Variants in KCNC4 observed in about 807,000 individuals in gnomAD.
KCNC4 encodes potassium voltage-gated channel subfamily C member 4.
A neutral mutation model predicts 42.8 loss-of-function variants in KCNC4; 23 were observed. The observed-to-expected ratio is 0.54, with a 90% CI of 0.39 to 0.76. The LOEUF is 0.76. KCNC4 is among the 30% of genes least tolerant of loss of function. The pLI is 0.00. For synonymous variants in KCNC4, 422 were observed against 393.5 expected, an observed-to-expected ratio of 1.07 and a Z score of -0.86; for missense variants, 751 against 898.2, an observed-to-expected ratio of 0.84 and a Z score of 2.10.
At position 110,233,479 on chromosome 1, in the gene KCNC4, T is replaced by TCA. The variant is rs1486302511; in HGVS notation, c.*509_*510dup. The TCA allele has an allele frequency of 2.4e-5, 4 of 164,864 alleles. No homozygotes were observed. The highest frequency in any genetic ancestry group is 9.6e-5 in the African/African-American group (4 of 41,548). 10.2% of individuals were successfully genotyped at this position (164,864 alleles called of 1,614,324 possible). ...TTGAAGGCCAGACTGCCCCCTAGGG[T>TCA]CACTGCTTCACTAGCCGCACCCCAC... On this transcript the variant is annotated 3_prime_UTR_variant, in exon 4 of 4. Coordinates refer to ENST00000438661, the MANE Select transcript of KCNC4 (RefSeq NM_001039574.3).
chr1:110,271,132 C>G (rs1659626947), intron 1 of KCNC4, among the ~76,000 whole-genome samples: 1 of 152,296 alleles, frequency 6.6e-6, no homozygotes, highest in South Asian at 2.1e-4. Context: ...CTAGATGCCA[C>G]TCAGACCCTG....
intron 3 of KCNC4, chr1:110,229,141 C>A (rs935590899): frequency 6.6e-6 from 1 of 152,182 alleles, no homozygotes; most frequent in Admixed American, 6.5e-5. Context: ...AACCAGTAGC[C>A]GAACAGCCTG....
intron 1 of KCNC4, among the ~76,000 whole-genome samples, chr1:110,267,681 T>G (rs912713944): frequency 7.2e-5 from 11 of 152,222 alleles, no homozygotes; most frequent in African/African-American, 2.7e-4. Flanking sequence ...CCACTTCCTA[T>G]GTATCTCACC....
chr1:110,215,148 C>A (rs922949476), intron 1 of KCNC4, among the ~76,000 whole-genome samples: 1 of 152,246 alleles, frequency 6.6e-6, no homozygotes, highest in Admixed American at 6.5e-5. Flanking sequence ...AGGAGCAAAA[C>A]GATACAAATG....
chr1:110,252,558 C>T (rs193295249), downstream of KCNC4, among the ~76,000 whole-genome samples: 215 of 152,258 alleles, frequency 1.4e-3, 1 homozygote, highest in African/African-American at 4.8e-3. Context: ...CCTTGATCAC[C>T]GGAGAGAGGT....
At chr1:110,271,984 C>A (rs986327304) in intron 1 of KCNC4, among the ~76,000 whole-genome samples, 1 of 152,172 alleles carries the variant, frequency 6.6e-6, no homozygotes, top group African/African-American at 2.4e-5. Context: ...ATGGACAGAT[C>A]CCCCCTTCCC....
downstream of KCNC4, among the ~76,000 whole-genome samples, chr1:110,250,305 T>A (rs912234819): frequency 6.6e-6 from 1 of 152,162 alleles, no homozygotes; most frequent in African/African-American, 2.4e-5. Context: ...GGCTGCCATC[T>A]GGTAGGCCAC....
chr1:110,271,079 A>G (rs147637026), intron 1 of KCNC4, among the ~76,000 whole-genome samples: 1 of 152,362 alleles, frequency 6.6e-6, no homozygotes, highest in East Asian at 1.9e-4. Flanking sequence ...ATGACTCTCC[A>G]GAGTCAAAGG....
At chr1:110,253,174 T>C (rs994776106), downstream of KCNC4, among the ~76,000 whole-genome samples, 2 of 152,262 alleles carry the variant, frequency 1.3e-5, no homozygotes, top group Admixed American at 6.5e-5. Context: ...GGGGCCATGC[T>C]GACCCCATGC....
exon 4 of KCNC4, chr1:110,244,664 G>T (rs796513810): frequency 7.9e-5 from 12 of 152,410 alleles, no homozygotes; most frequent in African/African-American, 2.9e-4. Flanking sequence ...GGCTATGAAG[G>T]TAACTGGAGC....
Position 110,232,792 on chromosome 1 carries a change from G to T in KCNC4, c.1820-119G>T, listed in dbSNP as rs952668828. 2.6e-6 allele frequency: 4 copies of T among 1,542,896 alleles called. No individual in the cohort carries two copies. In the South Asian group the frequency reaches 4.8e-5, roughly 18 times the overall value. ...GGTCAGCAGCTGGCTTCCTTCTAAC[G>T]TCTCATTCTTTGTTTCTCCCTTTCT... On this transcript the variant is annotated intron_variant, in intron 3 of 3. Transcript: ENST00000438661.
intron 1 of KCNC4, among the ~76,000 whole-genome samples, chr1:110,262,430 T>C (rs959592062): frequency 6.6e-6 from 1 of 152,214 alleles, no homozygotes; most frequent in African/African-American, 2.4e-5. Context: ...TCTTCTTCTT[T>C]CTGTGCCTTT....
At position 110,211,752 on chromosome 1, in the gene KCNC4, G is replaced by GGCAGCA; in HGVS notation, c.256_261dup (p.Ser86_Ser87dup). The GGCAGCA allele has an allele frequency of 6.2e-7, 1 of 1,609,034 alleles. No homozygotes were observed. Among genetic ancestry groups the GGCAGCA allele is most frequent in the Middle Eastern group, 1.9e-4 (1 of 5,366 alleles). ...CGATGGCGGCGGTGTGGGTAGCAGC[G>GGCAGCA]GCAGCAGCGGCGGCGGGGGCTGCGA... On this transcript the variant is annotated inframe_insertion, in exon 1 of 4. Transcript: ENST00000438661. The surrounding 1 kb of genome is among the most constrained non-coding windows in gnomAD (Gnocchi z 6.5).
rs745776683 is a variant in KCNC4 at position 110,223,264 on chromosome 1, C to T, written c.979C>T (p.Leu327=). ...CTTTGTGGCCATCCTGCCCTTCTAC[C>T]TGGAGGTGGGGCTGAGCGGCCTGTC... ...IDFVAILPFY[L]EVGLSGLSSK... Residue 327 remains leucine, a synonymous_variant, in exon 2 of 4, where the codon CTG becomes TTG. Coordinates refer to ENST00000438661, the MANE Select transcript of KCNC4 (RefSeq NM_001039574.3). This position sits in a 1 kb window ranked among gnomAD's most constrained non-coding sequence, Gnocchi z 7.5. The T allele has an allele frequency of 6.2e-6, 10 of 1,614,124 alleles. No individual in the cohort carries two copies. The highest frequency in any genetic ancestry group is 8.5e-6 in the Non-Finnish European group (10 of 1,180,052).
intron 3 of KCNC4, chr1:110,232,598 G>A: frequency 6.9e-7 from 1 of 1,439,124 alleles, no homozygotes; most frequent in Non-Finnish European, 9.1e-7. Context: ...ACCTGAACAG[G>A]TATGGCGATG....
At chr1:110,262,417 GCAT>G (rs1195747073) in intron 1 of KCNC4, among the ~76,000 whole-genome samples, 1 of 152,156 alleles carries the variant, frequency 6.6e-6, no homozygotes. Flanking sequence ...CTCAGTGACT[GCAT>G]CTTCTTCTTT....
intron 3 of KCNC4, among the ~76,000 whole-genome samples, chr1:110,227,652 G>T (rs1658470843): frequency 1.3e-5 from 2 of 152,214 alleles, no homozygotes; most frequent in African/African-American, 4.8e-5. Context: ...CAGGCCCAAA[G>T]CCTTGCTCTG....
rs550697244 is a variant in KCNC4, at chr1:110,254,942, C to G, written n.31-27592C>G. On this transcript the variant is annotated intron_variant and non_coding_transcript_variant, in intron 1 of 2. Coordinates refer to the KCNC4 transcript ENST00000412512. ...ATTCAATTCCGTATTAGCTCACCAC[C>G]TACTATGTTCTGGAAAGGGTGCCAA... Among the ~76,000 whole-genome samples the G allele has an allele frequency of 3.3e-4, 50 of 152,314 alleles. No individual in the cohort carries two copies. The South Asian group carries it at 0.01, about 31-fold the overall frequency.
intron 1 of KCNC4, among the ~76,000 whole-genome samples, chr1:110,279,185 T>C (rs572429213): frequency 5.3e-5 from 8 of 152,202 alleles, no homozygotes; most frequent in Non-Finnish European, 1.0e-4. Flanking sequence ...ACATCACTAA[T>C]CATCACAAAA....
Sources: gnomAD v4.1 joint callset for allele counts (sites outside exome capture counted in the v4.1 genomes callset) on GRCh38, gnomAD v4.1.1 for gene constraint, Gnocchi (gnomAD v3.1) non-coding constraint, MANE v1.5 for transcripts, NCBI Gene and HGNC (gene_info 2026-07-23, HGNC 2026-07-21) for gene names.